The following ACVR2A variants were observed in gnomAD, a reference collection of about 807,000 sequenced individuals.
The protein encoded by ACVR2A is activin receptor type-2A.
In ACVR2A, 7 loss-of-function variants were observed where a neutral mutation model predicts 61.4. That is an observed-to-expected ratio of 0.11 (90% CI 0.06 to 0.21). The LOEUF is 0.21. Among genes scored for constraint, ACVR2A ranks in the 10% least tolerant of loss-of-function variants. The pLI is 1.00. For synonymous variants in ACVR2A, 193 were observed against 208.3 expected (o/e 0.93, Z 0.63); for missense variants, 322 against 621.7 (o/e 0.52, Z 5.13).
chr2:147,845,348 G>GCCGC lies in ACVR2A; in HGVS notation c.55+143_55+144insGCCC. The stretch of plus-strand genomic sequence containing the variant: ...CTCCCTGCGCCCCTCGGCTGCCACC[G>GCCGC]CCCCCCCCCCCCGCCCCCAGGTCTG... On this transcript the variant is annotated intron_variant, in intron 1 of 10. Transcript: ENST00000241416. 1.8e-5 allele frequency: 5 copies of GCCGC among 271,698 alleles called. No individual in the cohort carries two copies. In the East Asian group the frequency reaches 2.8e-4, roughly 15 times the overall value. 16.8% of individuals were successfully genotyped at this position (271,698 alleles called of 1,614,324 possible). A position where few individuals can be genotyped will look rare whatever the true frequency, so the allele number is the denominator to read the frequency against.
At chr2:147,917,584 G>C (rs1427766492) in intron 6 of ACVR2A, among the ~76,000 whole-genome samples, 158 bp downstream of exon 6, 1 of 151,630 alleles carries the variant, frequency 6.6e-6, no homozygotes, top group African/African-American at 2.4e-5. Flanking sequence ...TGTTTTAAAA[G>C]GTAGTTTATT....
intron 1 of ACVR2A, among the ~76,000 whole-genome samples, chr2:147,890,985 C>T (rs569415280): frequency 6.6e-6 from 1 of 152,054 alleles, no homozygotes; most frequent in Non-Finnish European, 1.5e-5. Context: ...CATCCTTAAT[C>T]CTATCTACCT....
intron 1 of ACVR2A, among the ~76,000 whole-genome samples, chr2:147,858,026 A>G (rs1195666449): frequency 2.0e-5 from 3 of 151,928 alleles, no homozygotes; most frequent in African/African-American, 4.8e-5. Flanking sequence ...ATGTCTTCCC[A>G]TCATTTAGCT....
At chr2:147,894,848 T>G (rs1358110572) in intron 1 of ACVR2A, among the ~76,000 whole-genome samples, 2 of 152,144 alleles carry the variant, frequency 1.3e-5, no homozygotes, top group Non-Finnish European at 2.9e-5. Flanking sequence ...GGTTGTTAGT[T>G]TACAACTCAG....
Position 147,895,796 on chromosome 2 carries a change from C to T in ACVR2A, c.56-505C>T, listed in dbSNP as rs140696306. On this transcript the variant is annotated intron_variant, in intron 1 of 10. Transcript: ENST00000241416. ...TATAACATAGAAAATATGTGTTAAT[C>T]GACTGTTGATGCTATTGGTAAAGCT... Among the ~76,000 whole-genome samples the T allele has an allele frequency of 3.9e-5, 6 of 152,120 alleles. No homozygotes were observed. The East Asian group carries it at 5.8e-4, about 15-fold the overall frequency.
At chr2:147,888,809 G>A (rs1686507955) in intron 1 of ACVR2A, among the ~76,000 whole-genome samples, 7 of 150,676 alleles carry the variant, frequency 4.6e-5, no homozygotes, top group Admixed American at 4.0e-4. Flanking sequence ...TTGCCTTATT[G>A]CAGTAGTTAC....
At chr2:147,860,193 G>T (rs1685694993) in intron 1 of ACVR2A, among the ~76,000 whole-genome samples, 2 of 152,090 alleles carry the variant, frequency 1.3e-5, no homozygotes, top group African/African-American at 4.8e-5. Flanking sequence ...CACCAGCTGG[G>T]CTCTTAACTC....
At chr2:147,866,226 A>G (rs926558723) in intron 1 of ACVR2A, among the ~76,000 whole-genome samples, 14 of 152,312 alleles carry the variant, frequency 9.2e-5, no homozygotes, top group Admixed American at 7.8e-4. Context: ...GATTTAGACT[A>G]AGACTCTGAA....
chr2:147,885,708 G>A (rs1686413401), intron 1 of ACVR2A, among the ~76,000 whole-genome samples: 1 of 152,062 alleles, frequency 6.6e-6, no homozygotes, highest in Non-Finnish European at 1.5e-5. Context: ...ATACTTACAG[G>A]TCACTCAAAA....
intron 1 of ACVR2A, among the ~76,000 whole-genome samples, chr2:147,870,463 T>G (rs1685984476): frequency 1.3e-5 from 2 of 152,290 alleles, no homozygotes; most frequent in East Asian, 3.9e-4. Flanking sequence ...TGTTTGAGTC[T>G]TGAGAGCAGA....
At chr2:147,848,146 A>G (rs1685358852) in intron 1 of ACVR2A, among the ~76,000 whole-genome samples, 1 of 152,188 alleles carries the variant, frequency 6.6e-6, no homozygotes, top group South Asian at 2.1e-4. Context: ...ATTCTTTTGA[A>G]CTTTGATTAA....
intron 1 of ACVR2A, among the ~76,000 whole-genome samples, chr2:147,872,764 C>T (rs1029490518): frequency 6.6e-6 from 1 of 151,620 alleles, no homozygotes; most frequent in Non-Finnish European, 1.5e-5. Context: ...TTATACTTGT[C>T]TTTCTATAGT....
chr2:147,892,207 T>G (rs1329475503), intron 1 of ACVR2A, among the ~76,000 whole-genome samples: 4 of 151,968 alleles, frequency 2.6e-5, no homozygotes, highest in African/African-American at 7.2e-5. Context: ...CCTGACCTCA[T>G]GATCCGCCTG....
At chr2:147,869,061 C>G (rs1685946505) in intron 1 of ACVR2A, among the ~76,000 whole-genome samples, 1 of 152,090 alleles carries the variant, frequency 6.6e-6, no homozygotes, top group South Asian at 2.1e-4. Context: ...TCTTTCATAT[C>G]TTTAAAAGCA....
At chr2:147,891,106 A>G (rs1475165135) in intron 1 of ACVR2A, among the ~76,000 whole-genome samples, 1 of 152,172 alleles carries the variant, frequency 6.6e-6, no homozygotes, top group African/African-American at 2.4e-5. Context: ...TTCCCTTCCA[A>G]TACTATGAAA....
At chr2:147,875,557 G>A (rs1047507156) in intron 1 of ACVR2A, among the ~76,000 whole-genome samples, 3 of 152,040 alleles carry the variant, frequency 2.0e-5, no homozygotes, top group Non-Finnish European at 4.4e-5. Context: ...GAGAATTTCA[G>A]TGAGTCTGGA....
intron 1 of ACVR2A, among the ~76,000 whole-genome samples, chr2:147,888,143 C>T (rs1225626322): frequency 1.3e-5 from 2 of 152,120 alleles, no homozygotes; most frequent in African/African-American, 4.8e-5. Flanking sequence ...ATGTAGATCT[C>T]TTTCTGGGTC....
At position 147,845,163 on chromosome 2, in the gene ACVR2A, C is replaced by T. The variant is rs1685273658; in HGVS notation, c.11C>T (p.Ala4Val). 3 of 1,613,548 alleles carry T rather than the reference C, an allele frequency of 1.9e-6. No homozygotes were observed. The highest frequency in any genetic ancestry group is 1.7e-6 in the Non-Finnish European group (2 of 1,179,922). The change falls in exon 1 of 11, where the codon GCT (alanine) becomes GTT (valine). Residue 4 changes from alanine to valine, a missense_variant. Physicochemically the swap from Ala to Val is moderately conservative, Grantham distance 64. Transcript: ENST00000241416. ...CGGCGCCTCGGGAAAATGGGAGCTG[C>T]TGCAAAGTTGGCGTTTGCCGTCTTT... is the stretch of plus-strand genomic sequence containing the variant. MGA[A>V]AKLAFAVFLI...
intron 5 of ACVR2A, among the ~76,000 whole-genome samples, chr2:147,916,950 T>A (rs552803079): frequency 5.9e-5 from 9 of 151,928 alleles, no homozygotes; most frequent in Non-Finnish European, 8.8e-5. Flanking sequence ...CACAAGTAAC[T>A]TCACACCATG....
Sources: allele counts gnomAD v4.1 joint callset (sites outside exome capture counted in the v4.1 genomes callset), GRCh38; gene constraint gnomAD v4.1.1; transcripts MANE v1.5; gene names NCBI Gene and HGNC (gene_info 2026-07-23, HGNC 2026-07-21).